Variants in PRR5 observed in about 807,000 individuals in gnomAD.
PRR5 encodes the protein proline-rich protein 5.
PRR5 carries 25 observed loss-of-function variants against 30.6 expected under a neutral mutation model. That is an observed-to-expected ratio of 0.82 (90% CI 0.60 to 1.14). PRR5 has a LOEUF of 1.14. Ranked by LOEUF, PRR5 falls within the 50% of genes most tolerant of loss-of-function variation. PRR5 has a pLI of 0.00. For missense variants in PRR5, 600 were observed against 547.1 expected (o/e 1.10, Z -0.96); for synonymous variants, 286 against 247.1 (o/e 1.16, Z -1.48).
intron 1 of PRR5, among the ~76,000 whole-genome samples, chr22:44,692,733 C>G (rs1442381184): frequency 3.3e-5 from 5 of 152,206 alleles, no homozygotes; most frequent in Non-Finnish European, 7.3e-5. Flanking sequence ...GTTGGGAGTG[C>G]AGCCCGGGAG....
At chr22:44,698,141 G>A (rs1009725589), upstream of PRR5, among the ~76,000 whole-genome samples, 3 of 152,132 alleles carry the variant, frequency 2.0e-5, no homozygotes, top group Non-Finnish European at 2.9e-5. Flanking sequence ...GGATATCAGG[G>A]TCCCCCTTGG....
Position 44,686,010 on chromosome 22 carries a change from T to C in PRR5, c.-11+8770T>C, listed in dbSNP as rs561394411. On this transcript the variant is annotated intron_variant, in intron 1 of 8. Coordinates refer to the PRR5 transcript ENST00000006251. ...TGGCTCACGTCTGTAATCCCAGCAC[T>C]CTGGGAGGCCAAGGCAGGCAAATCC... Among the ~76,000 whole-genome samples the C allele has an allele frequency of 9.3e-4, 141 of 152,236 alleles. 1 individual carries two copies. The highest frequency in any genetic ancestry group is 1.7e-3 in the Non-Finnish European group (113 of 68,010).
chr22:44,686,418 C>G (rs916334109), intron 1 of PRR5, among the ~76,000 whole-genome samples: 2 of 151,156 alleles, frequency 1.3e-5, no homozygotes, highest in Non-Finnish European at 3.0e-5. Flanking sequence ...CTCACTGCAA[C>G]GTGTGCCTCC....
Position 44,668,937 on chromosome 22 carries a change from TGTGCGCGCGTAG to T in PRR5, c.-11+142_-11+153del, listed in dbSNP as rs1325672794. The T allele has an allele frequency of 1.4e-3, 203 of 148,908 alleles. 1 individual carries two copies. Among genetic ancestry groups the T allele is most frequent in the African/African-American group, 4.7e-3 (192 of 40,518 alleles). 9.2% of individuals were successfully genotyped at this position (148,908 alleles called of 1,614,324 possible). A position where few individuals can be genotyped will look rare whatever the true frequency, so the allele number is the denominator to read the frequency against. The stretch of plus-strand genomic sequence containing the variant: ...GCCGGCGGAGCGGCGCGCGCGTGTG[TGTGCGCGCGTAG>T]GTGCGCGCGCGCGCGACGCCGACTG... On this transcript the variant is annotated intron_variant, in intron 1 of 8. Transcript: ENST00000432186.
At chr22:44,712,408 G>A (rs927411448) in intron 1 of PRR5, among the ~76,000 whole-genome samples, 1 of 152,198 alleles carries the variant, frequency 6.6e-6, no homozygotes, top group Non-Finnish European at 1.5e-5. Context: ...GAAGCATGTG[G>A]GATATGCAGC....
intron 4 of PRR5, among the ~76,000 whole-genome samples, chr22:44,727,081 G>C (rs947934220): frequency 2.6e-5 from 4 of 151,758 alleles, no homozygotes; most frequent in Non-Finnish European, 5.9e-5. Context: ...CACCCACTGG[G>C]ACCTTCAGGT....
In PRR5 at chr22:44,732,881, C is replaced by T. The variant is rs1036839470; in HGVS notation, c.555+490C>T. Among the ~76,000 whole-genome samples, 5 of 148,526 alleles carry T rather than the reference C, an allele frequency of 3.4e-5. 1 individual carries two copies. Among genetic ancestry groups the T allele is most frequent in the African/African-American group, 1.3e-4 (5 of 38,624 alleles). On this transcript the variant is annotated intron_variant, in intron 6 of 7. Coordinates refer to ENST00000336985, the MANE Select transcript of PRR5 (RefSeq NM_181333.4). ...ACACGCACATACTACACACTGCACA[C>T]ACACACCACACACGTGCACACGCAT...
intron 1 of PRR5, among the ~76,000 whole-genome samples, chr22:44,703,105 G>T (rs1279599354): frequency 6.6e-6 from 1 of 152,188 alleles, no homozygotes; most frequent in East Asian, 1.9e-4. Flanking sequence ...TCAGCAGGGG[G>T]TGCGGCAGCT....
intron 7 of PRR5, among the ~76,000 whole-genome samples, chr22:44,736,297 C>A (rs1923244378): frequency 6.6e-6 from 1 of 152,250 alleles, no homozygotes. Context: ...TCCCCATCTG[C>A]TCCCATCACA....
chr22:44,734,911 A>C (rs1044046612), intron 6 of PRR5, 116 bp from the exon 7 acceptor site: 7 of 1,361,222 alleles, frequency 5.1e-6, no homozygotes, highest in African/African-American at 2.9e-5. Context: ...GCCTGTGGGA[A>C]TGGGGAGGCG....
chr22:44,686,435 C>T (rs1924760521), intron 1 of PRR5, among the ~76,000 whole-genome samples: 1 of 151,362 alleles, frequency 6.6e-6, no homozygotes, highest in Admixed American at 6.6e-5. Context: ...CTCCCGGGAT[C>T]AAAAGCTTCT....
At chr22:44,708,519 T>C (rs1190933060) in intron 1 of PRR5, among the ~76,000 whole-genome samples, 1 of 151,908 alleles carries the variant, frequency 6.6e-6, no homozygotes, top group African/African-American at 2.4e-5. Flanking sequence ...TGCACCCGTG[T>C]CTCCCCCAGC....
At chr22:44,713,675 A>G (rs748449679) in intron 1 of PRR5, among the ~76,000 whole-genome samples, 2 of 152,112 alleles carry the variant, frequency 1.3e-5, no homozygotes, top group Non-Finnish European at 2.9e-5. Flanking sequence ...TGCCACAGCT[A>G]CCTTCCCATC....
intron 3 of PRR5, 25 bp downstream of exon 3, chr22:44,725,317 G>C (rs376694994): frequency 6.2e-7 from 1 of 1,611,594 alleles, no homozygotes; most frequent in East Asian, 2.2e-5. Context: ...CTCCAGCCAG[G>C]CTGGGCCTGC....
intron 4 of PRR5, chr22:44,729,206 C>T: frequency 1.3e-6 from 1 of 781,696 alleles, no homozygotes; most frequent in African/African-American, 1.9e-5. Flanking sequence ...GTCCCCGCGC[C>T]AGACACCCTT....
intron 1 of PRR5, among the ~76,000 whole-genome samples, chr22:44,707,718 A>G (rs945071692): frequency 2.0e-5 from 3 of 152,116 alleles, no homozygotes; most frequent in Non-Finnish European, 4.4e-5. Context: ...AGGGCTCACC[A>G]CTGCAGAGAC....
intron 2 of PRR5, among the ~76,000 whole-genome samples, chr22:44,723,873 G>A (rs1440087578): frequency 6.6e-6 from 1 of 152,216 alleles, no homozygotes; most frequent in African/African-American, 2.4e-5. Flanking sequence ...AATGCCACAT[G>A]GGTTTCACAC....
chr22:44,691,937 A>G lies in PRR5; in HGVS notation c.-10-10555A>G, dbSNP rs1296891086. On this transcript the variant is annotated intron_variant, in intron 1 of 8. Transcript: ENST00000006251. The surrounding 1 kb of genome is among the most constrained non-coding windows in gnomAD (Gnocchi z 4.4). ...GTCCAGAGGAGCCGACATCACCTCC[A>G]CAGTCGGCTCTGTGGGCTCAATTGA... Among the ~76,000 whole-genome samples, 1 of 151,934 alleles carries G rather than the reference A, an allele frequency of 6.6e-6. No homozygotes were observed. Among genetic ancestry groups the G allele is most frequent in the African/African-American group, 2.4e-5 (1 of 41,378 alleles).
intron 4 of PRR5, chr22:44,731,253 C>T: frequency 3.8e-6 from 1 of 262,052 alleles, no homozygotes; most frequent in Non-Finnish European, 7.6e-6. Context: ...CTGTGCAGGT[C>T]TCCTGATGCA....
Sources: gnomAD v4.1 joint callset for allele counts (sites outside exome capture counted in the v4.1 genomes callset) on GRCh38, gnomAD v4.1.1 for gene constraint, Gnocchi (gnomAD v3.1) non-coding constraint, MANE v1.5 for transcripts, NCBI Gene and HGNC (gene_info 2026-07-23, HGNC 2026-07-21) for gene names.